The following CSMD1 variants were observed in gnomAD, a reference collection of about 807,000 sequenced individuals.
The protein encoded by CSMD1 is CUB and sushi domain-containing protein 1.
In CSMD1, 213 loss-of-function variants were observed where a neutral mutation model predicts 417.5. The ratio of observed to expected loss-of-function variants is 0.51; its 90% CI spans 0.46 to 0.57. The LOEUF (loss-of-function observed/expected upper bound fraction) is 0.57, where lower values mean the gene tolerates loss of function less well. Ranked by LOEUF, CSMD1 falls within the 20% of genes least tolerant of loss-of-function variation. The pLI is 0.00. For missense variants in CSMD1, 6,923 were observed against 4,529.7 expected, an observed-to-expected ratio of 1.53 and a Z score of -15.17; for synonymous variants, 2,862 against 1,736.8, an observed-to-expected ratio of 1.65 and a Z score of -16.11.
chr8:4,455,294 C>G (rs760581001), intron 2 of CSMD1, among the ~76,000 whole-genome samples: 32 of 152,156 alleles, frequency 2.1e-4, no homozygotes, highest in Non-Finnish European at 4.1e-4. Context: ...ATGATGGATT[C>G]TTGCATCCAT....
chr8:3,620,821 A>G (rs1485800269), intron 7 of CSMD1, among the ~76,000 whole-genome samples: 2 of 152,202 alleles, frequency 1.3e-5, no homozygotes, highest in African/African-American at 4.8e-5. Context: ...TACCCTTTAA[A>G]TAATTATTTT....
At chr8:4,164,521 C>T (rs894388439) in intron 3 of CSMD1, among the ~76,000 whole-genome samples, 4 of 152,000 alleles carry the variant, frequency 2.6e-5, no homozygotes, top group East Asian at 3.9e-4. Flanking sequence ...TGTCCCCAGG[C>T]GTAAATCTAG....
chr8:4,699,165 T>C lies in CSMD1; in HGVS notation c.86-61607A>G, dbSNP rs73512933. On this transcript the variant is annotated intron_variant, in intron 1 of 69. Transcript: ENST00000635120. ...GATTTGGAACAATTAATTCCGTGTT[T>C]CACTCTGGACCTCTCAAAGCCTGCT... 6.3e-3 allele frequency among the ~76,000 whole-genome samples: 956 copies of C among 152,308 alleles called. 13 individuals are homozygous for C. The highest frequency in any genetic ancestry group is 0.022 in the African/African-American group (915 of 41,552).
At chr8:3,071,371 G>T (rs150125706) in intron 49 of CSMD1, among the ~76,000 whole-genome samples, 2 of 152,270 alleles carry the variant, frequency 1.3e-5, no homozygotes, top group East Asian at 1.9e-4. Flanking sequence ...AGCAAGAGGA[G>T]GGAGAGCATT....
At chr8:4,465,247 CTCTT>C (rs1251035869) in intron 2 of CSMD1, among the ~76,000 whole-genome samples, 1 of 152,146 alleles carries the variant, frequency 6.6e-6, no homozygotes, top group African/African-American at 2.4e-5. Flanking sequence ...GAGTATGTGT[CTCTT>C]TCATCTTTTT....
intron 1 of CSMD1, among the ~76,000 whole-genome samples, chr8:4,981,665 G>T (rs1467232072): frequency 1.3e-5 from 2 of 152,210 alleles, no homozygotes; most frequent in East Asian, 1.9e-4. Context: ...TACTTTTCTA[G>T]AAGAGTGTGT....
intron 6 of CSMD1, among the ~76,000 whole-genome samples, chr8:3,711,672 C>T (rs4498582): frequency 0.028 from 4,311 of 151,968 alleles, 186 homozygotes; most frequent in African/African-American, 0.095. Flanking sequence ...TTCTGCGGTT[C>T]TCCTGGTGGC....
chr8:3,869,385 G>T (rs4146932), intron 5 of CSMD1, among the ~76,000 whole-genome samples: 66,808 of 152,002 alleles, frequency 0.44, 17,425 homozygotes, highest in African/African-American at 0.74. Flanking sequence ...AGACTGATAG[G>T]TCTATGAAAT....
chr8:4,946,101 C>T (rs2117260437), intron 1 of CSMD1, among the ~76,000 whole-genome samples: 1 of 152,264 alleles, frequency 6.6e-6, no homozygotes, highest in South Asian at 2.1e-4. Flanking sequence ...ACCCAGCTGT[C>T]TCTACGTGGC....
chr8:4,706,737 C>A (rs1033224982), intron 1 of CSMD1, among the ~76,000 whole-genome samples: 1 of 152,084 alleles, frequency 6.6e-6, no homozygotes, highest in Non-Finnish European at 1.5e-5. Context: ...GCCGGGGAGG[C>A]AGAGGGTCAG....
chr8:3,766,751 T>C (rs930799976), intron 5 of CSMD1, among the ~76,000 whole-genome samples: 2 of 152,204 alleles, frequency 1.3e-5, no homozygotes, highest in African/African-American at 4.8e-5. Context: ...ATACATATTC[T>C]TTAGGAATAT....
chr8:3,071,741 C>A (rs1044245032), intron 49 of CSMD1, among the ~76,000 whole-genome samples: 1 of 152,192 alleles, frequency 6.6e-6, no homozygotes, highest in South Asian at 2.1e-4. Flanking sequence ...ATTCACCTGA[C>A]ATCAAAACAG....
rs1274592481 is a variant in CSMD1 at position 3,411,973 on chromosome 8, TATATAC to T, written c.1562-2374_1562-2369del. On this transcript the variant is annotated intron_variant, in intron 12 of 69. Coordinates refer to ENST00000635120, the MANE Select transcript of CSMD1 (RefSeq NM_033225.6). ...ATATATACACGTATATATGCACGTA[TATATAC>T]ACGTATATATACGTGTATATACACG... Among the ~76,000 whole-genome samples, 15 of 66,306 alleles carry T rather than the reference TATATAC, an allele frequency of 2.3e-4. 1 individual carries two copies. The highest frequency in any genetic ancestry group is 3.9e-4 in the Non-Finnish European group (13 of 33,388). 43.5% of individuals were successfully genotyped at this position (66,306 alleles called of 152,430 possible). A position where few individuals can be genotyped will look rare whatever the true frequency, so the allele number is the denominator to read the frequency against.
intron 7 of CSMD1, among the ~76,000 whole-genome samples, chr8:3,642,822 A>T (rs1388397503): frequency 6.6e-6 from 1 of 152,094 alleles, no homozygotes; most frequent in Non-Finnish European, 1.5e-5. Context: ...CAGAGATGAA[A>T]TTATACATCC....
intron 2 of CSMD1, among the ~76,000 whole-genome samples, chr8:4,542,390 C>A (rs903659455): frequency 1.1e-4 from 17 of 152,202 alleles, no homozygotes; most frequent in African/African-American, 3.6e-4. Context: ...GTTTTCTCTT[C>A]AGAAGAATAA....
At chr8:3,089,839 T>C (rs749948660) in intron 48 of CSMD1, among the ~76,000 whole-genome samples, 2 of 152,222 alleles carry the variant, frequency 1.3e-5, no homozygotes, top group Non-Finnish European at 2.9e-5. Context: ...CCTTGTGGTA[T>C]GACAACAAAT....
At chr8:4,718,866 G>A (rs1808859156) in intron 1 of CSMD1, among the ~76,000 whole-genome samples, 1 of 151,884 alleles carries the variant, frequency 6.6e-6, no homozygotes, top group Non-Finnish European at 1.5e-5. Context: ...GTACCAAAAT[G>A]TAAATGAATG....
At chr8:4,787,486 G>T (rs1585097625) in intron 1 of CSMD1, 6 of 882,544 alleles carry the variant, frequency 6.8e-6, no homozygotes, top group Non-Finnish European at 1.1e-5. Context: ...CAATCTCAAA[G>T]AAAATCACCA....
chr8:4,658,697 A>G (rs11997186), intron 1 of CSMD1, among the ~76,000 whole-genome samples: 2 of 152,106 alleles, frequency 1.3e-5, no homozygotes, highest in Non-Finnish European at 2.9e-5. Flanking sequence ...AAGTCATTAT[A>G]CTGGTAAATA....
Sources: allele counts gnomAD v4.1 joint callset (sites outside exome capture counted in the v4.1 genomes callset), GRCh38; gene constraint gnomAD v4.1.1; transcripts MANE v1.5; gene names NCBI Gene and HGNC (gene_info 2026-07-23, HGNC 2026-07-21).